The following ABCA6 variants were observed in gnomAD, a reference collection of about 807,000 sequenced individuals.
ABCA6 encodes ATP-binding cassette sub-family A member 6.
ABCA6 carries 164 observed loss-of-function variants against 191.2 expected under a neutral mutation model. The ratio of observed to expected loss-of-function variants is 0.86; its 90% CI spans 0.76 to 0.98. ABCA6 has a LOEUF of 0.98. Among genes scored for constraint, ABCA6 ranks in the 50% least tolerant of loss-of-function variants. ABCA6 has a pLI of 0.00. For missense variants in ABCA6, 1,958 were observed against 1,894.1 expected (o/e 1.03, Z -0.63); for synonymous variants, 636 against 647.7 (o/e 0.98, Z 0.27).
chr17:69,136,651 C>A (rs1332059888), intron 3 of ABCA6, among the ~76,000 whole-genome samples: 1 of 152,058 alleles, frequency 6.6e-6, no homozygotes, highest in Non-Finnish European at 1.5e-5. Context: ...CTGCAGAAAA[C>A]AAGATTTTTT....
At chr17:69,099,882 C>G (rs886621789) in intron 22 of ABCA6, among the ~76,000 whole-genome samples, 3 of 152,296 alleles carry the variant, frequency 2.0e-5, no homozygotes, top group African/African-American at 7.2e-5. Flanking sequence ...ACCACTGATT[C>G]AGTGAAGCCA....
intron 22 of ABCA6, 131 bp from the exon 23 acceptor site, chr17:69,098,158 C>T (rs997880880): frequency 3.4e-5 from 18 of 537,292 alleles, no homozygotes; most frequent in African/African-American, 7.9e-5. Flanking sequence ...CATCTAGGCA[C>T]GAAGGTGGGA....
Position 69,136,322 on chromosome 17 carries a change from C to T in ABCA6, c.302-72G>A, listed in dbSNP as rs2073948206. 8.7e-6 allele frequency: 10 copies of T among 1,142,974 alleles called. No homozygotes were observed. In the East Asian group the frequency reaches 2.8e-4, roughly 33 times the overall value. 70.8% of individuals were successfully genotyped at this position (1,142,974 alleles called of 1,614,324 possible). On this transcript the variant is annotated intron_variant, in intron 3 of 38. Transcript: ENST00000284425. ...TGCCACAACATAATGTGATATTCAA[C>T]TGTTTCCCCATATAATTTCATTAGA...
At chr17:69,139,768 TA>T (rs1163632605) in intron 2 of ABCA6, among the ~76,000 whole-genome samples, 3 of 151,976 alleles carry the variant, frequency 2.0e-5, no homozygotes, top group Admixed American at 6.6e-5. Context: ...TATGCAGCCA[TA>T]AAAAATGATG....
At chr17:69,123,514 A>C (rs541987173) in intron 9 of ABCA6, 107 bp from the exon 10 acceptor site, 3 of 726,924 alleles carry the variant, frequency 4.1e-6, no homozygotes, top group Non-Finnish European at 5.8e-6. Context: ...AGCATCATAG[A>C]GACATTTTTT....
rs765245490 is a variant in ABCA6 at position 69,124,960 on chromosome 17, T to C, written c.1195A>G (p.Thr399Ala). Residue 399 changes from threonine (T) to alanine (A), a missense_variant, in exon 9 of 39, where the codon ACT becomes GCT. Physicochemically the swap from Thr to Ala is moderately conservative, Grantham distance 58. Transcript: ENST00000284425. ...CCATCCAAAAGCAACATAGAAAAAG[T>C]TGCTATCATTGTATATGAGTCTCCT... ...PSGDSYTMIATFSMLLLDGLI... is the reference protein window; with the variant it reads ...PSGDSYTMIAAFSMLLLDGLI... 1.3e-6 allele frequency: 2 copies of C among 1,571,726 alleles called. No individual in the cohort carries two copies. Among genetic ancestry groups the C allele is most frequent in the Admixed American group, 1.8e-5 (1 of 56,018 alleles).
At chr17:69,110,597 T>C in intron 17 of ABCA6, 1 of 500,196 alleles carries the variant, frequency 2.0e-6, no homozygotes, top group East Asian at 3.8e-5. Flanking sequence ...CCCTTCCCTC[T>C]CTCCTGTCCC....
chr17:69,093,431 T>G (rs1017366651), intron 25 of ABCA6, among the ~76,000 whole-genome samples: 1 of 152,236 alleles, frequency 6.6e-6, no homozygotes, highest in Non-Finnish European at 1.5e-5. Flanking sequence ...TTTCTTGCTG[T>G]GCAGCTGCAA....
chr17:69,107,433 G>C (rs1203145868), intron 18 of ABCA6, among the ~76,000 whole-genome samples: 1 of 152,096 alleles, frequency 6.6e-6, no homozygotes, highest in Non-Finnish European at 1.5e-5. Context: ...GCCTTTCACA[G>C]CCTGAAGGTA....
At chr17:69,095,267 G>A in intron 25 of ABCA6, 1 of 191,494 alleles carries the variant, frequency 5.2e-6, no homozygotes, top group Non-Finnish European at 1.1e-5. Context: ...AGATCCTCAT[G>A]GCTGCCTCAA....
rs371995166 is a variant in ABCA6 at position 69,091,197 on chromosome 17, G to T, written c.3474C>A (p.Thr1158=). 1.2e-6 allele frequency: 2 copies of T among 1,611,572 alleles called. No homozygotes were observed. Among genetic ancestry groups the T allele is most frequent in the Admixed American group, 1.7e-5 (1 of 59,902 alleles). Reference sequence around the variant, plus strand: ...AGGTATATGAAGGAACCAATACCATGGTGGTAATCAATATACTTAGGTCAA... The same window carrying T: ...AGGTATATGAAGGAACCAATACCATTGTGGTAATCAATATACTTAGGTCAA... ...NHFDLSILIT[T]MVLVPSYTLL... is the part of the protein sequence containing the mutation. Residue 1158 remains threonine, a synonymous_variant, in exon 26 of 39, where the codon ACC becomes ACA. Coordinates refer to ENST00000284425, the MANE Select transcript of ABCA6 (RefSeq NM_080284.3).
intron 13 of ABCA6, 33 bp from the exon 14 acceptor site, chr17:69,113,770 A>T (rs2073481147): frequency 6.3e-7 from 1 of 1,586,348 alleles, no homozygotes; most frequent in Non-Finnish European, 8.6e-7. Context: ...TTTAAAATCC[A>T]AAATGAAGAA....
chr17:69,111,549 C>T (rs1974575), intron 16 of ABCA6: 80,934 of 152,028 alleles, frequency 0.53, 23,287 homozygotes, highest in Non-Finnish European at 0.66. Context: ...AGGGGCTTTT[C>T]CCTGCCTTCA....
At chr17:69,120,689 A>C (rs1449876083) in intron 10 of ABCA6, among the ~76,000 whole-genome samples, 2 of 152,112 alleles carry the variant, frequency 1.3e-5, no homozygotes, top group Non-Finnish European at 2.9e-5. Flanking sequence ...TTGTTTTAAT[A>C]AAGAAAATTC....
At chr17:69,120,676 G>A (rs1246264878) in intron 10 of ABCA6, among the ~76,000 whole-genome samples, 1 of 151,992 alleles carries the variant, frequency 6.6e-6, no homozygotes, top group East Asian at 1.9e-4. Context: ...AAACTTTAAT[G>A]TTTTGTTTTA....
At chr17:69,091,523 CTTTTT>C (rs1196866549) in intron 25 of ABCA6, among the ~76,000 whole-genome samples, 1 of 76,388 alleles carries the variant, frequency 1.3e-5, no homozygotes. Flanking sequence ...AAATAGACTT[CTTTTT>C]TTTTTTTTTT....
At chr17:69,086,358 T>G (rs2072789287) in intron 30 of ABCA6, among the ~76,000 whole-genome samples, 1 of 152,028 alleles carries the variant, frequency 6.6e-6, no homozygotes, top group Non-Finnish European at 1.5e-5. Context: ...ACTGGCCTCT[T>G]GGCTAGAGAC....
At chr17:69,138,793 A>C (rs879922287) in intron 2 of ABCA6, among the ~76,000 whole-genome samples, 2 of 149,012 alleles carry the variant, frequency 1.3e-5, no homozygotes, top group Non-Finnish European at 1.5e-5. Context: ...ATAACGCCGC[A>C]TATCTACAAC....
chr17:69,081,323 T>C (rs895953629), intron 36 of ABCA6, among the ~76,000 whole-genome samples, 178 bp from the exon 37 acceptor site: 1 of 152,272 alleles, frequency 6.6e-6, no homozygotes, highest in African/African-American at 2.4e-5. Context: ...ATCTGGCTGT[T>C]GCAGACAGCT....
Sources: allele counts gnomAD v4.1 joint callset (sites outside exome capture counted in the v4.1 genomes callset), GRCh38; gene constraint gnomAD v4.1.1; transcripts MANE v1.5; gene names NCBI Gene and HGNC (gene_info 2026-07-23, HGNC 2026-07-21).